LRMDA: variants seen among roughly 807,000 people sequenced by gnomAD.
LRMDA encodes leucine rich melanocyte differentiation associated.
A neutral mutation model predicts 29.8 loss-of-function variants in LRMDA; 18 were observed. That is an observed-to-expected ratio of 0.60 (90% CI 0.42 to 0.90). The LOEUF (loss-of-function observed/expected upper bound fraction) is 0.90, where lower values mean the gene tolerates loss of function less well. LRMDA is among the 40% of genes least tolerant of loss of function. The pLI is 0.00. For synonymous variants in LRMDA, 125 were observed against 109.4 expected (o/e 1.14, Z -0.89); for missense variants, 273 against 273.9 (o/e 1.00, Z 0.02).
rs115755249 is a variant in LRMDA at position 75,917,307 on chromosome 10, C to T, written c.132-118701C>T. 7.2e-3 allele frequency among the ~76,000 whole-genome samples: 1,096 copies of T among 152,262 alleles called. 14 individuals carry two copies. The highest frequency in any genetic ancestry group is 0.024 in the African/African-American group (994 of 41,546). ...CAGTATTCTGTTTTTGAAACCCATCCGGTGAGTTCTCCCATCTAGCCCCAG... is the reference window on the plus strand; with the variant it reads ...CAGTATTCTGTTTTTGAAACCCATCTGGTGAGTTCTCCCATCTAGCCCCAG... On this transcript the variant is annotated intron_variant, in intron 2 of 6. Transcript: ENST00000611255.
intron 5 of LRMDA, among the ~76,000 whole-genome samples, chr10:76,246,490 C>T (rs1852379646): frequency 6.6e-6 from 1 of 152,154 alleles, no homozygotes; most frequent in South Asian, 2.1e-4. Flanking sequence ...CATTAGAAGG[C>T]AGATATTTTT....
intron 6 of LRMDA, among the ~76,000 whole-genome samples, chr10:76,334,871 G>T: frequency 6.6e-6 from 1 of 152,180 alleles, no homozygotes; most frequent in East Asian, 1.9e-4. Context: ...TGAAAAAGAA[G>T]CTGTGGGCTC....
At chr10:75,629,496 T>C (rs1291902096) in intron 2 of LRMDA, among the ~76,000 whole-genome samples, 1 of 152,230 alleles carries the variant, frequency 6.6e-6, no homozygotes, top group East Asian at 1.9e-4. Flanking sequence ...TTTCACGTTA[T>C]TATCTCACTG....
At chr10:76,081,964 C>T (rs1336054283) in intron 5 of LRMDA, among the ~76,000 whole-genome samples, 1 of 152,106 alleles carries the variant, frequency 6.6e-6, no homozygotes, top group African/African-American at 2.4e-5. Context: ...TGCCATAGAA[C>T]CAAGTAGCTT....
chr10:75,458,884 A>G (rs1039654135), intron 2 of LRMDA, among the ~76,000 whole-genome samples: 1 of 152,134 alleles, frequency 6.6e-6, no homozygotes, highest in Admixed American at 6.5e-5. Flanking sequence ...TATTTTTACA[A>G]CCATAAAAAA....
intron 2 of LRMDA, among the ~76,000 whole-genome samples, chr10:75,881,517 A>C (rs556457475): frequency 1.2e-4 from 18 of 152,124 alleles, no homozygotes; most frequent in African/African-American, 3.6e-4. Context: ...TCTGCATGGC[A>C]GATGGAAAAT....
At chr10:76,322,326 A>G (rs1233553016) in intron 5 of LRMDA, among the ~76,000 whole-genome samples, 3 of 150,624 alleles carry the variant, frequency 2.0e-5, no homozygotes, top group Admixed American at 1.3e-4. Context: ...AAGAGCTGGT[A>G]GTTGGATCAT....
Position 76,113,467 on chromosome 10 carries a change from T to C in LRMDA, c.516+54684T>C, listed in dbSNP as rs780792690. Among the ~76,000 whole-genome samples the C allele has an allele frequency of 3.3e-5, 5 of 151,762 alleles. No individual in the cohort carries two copies. The South Asian group carries it at 6.2e-4, about 19-fold the overall frequency. On this transcript the variant is annotated intron_variant, in intron 5 of 6. Coordinates refer to ENST00000611255, the MANE Select transcript of LRMDA (RefSeq NM_001305581.2). ...AAGAGATGAGTGAGAGGAAAGAAGA[T>C]GAGGGGGGAAAAAACCAACCTGAGA...
rs568116590 is a variant in LRMDA, at chr10:75,464,082, G to A, written c.131+25588G>A. ...CTCCCAAAGTGCTGGGATTACAGGC[G>A]TGAGCCACTGCGCCCATCCTGTTCT... On this transcript the variant is annotated intron_variant, in intron 2 of 6. Coordinates refer to ENST00000611255, the MANE Select transcript of LRMDA (RefSeq NM_001305581.2). 3.9e-5 allele frequency among the ~76,000 whole-genome samples: 6 copies of A among 152,246 alleles called. 1 individual carries two copies. The highest frequency in any genetic ancestry group is 1.9e-4 in the East Asian group (1 of 5,182).
rs138028657 is a variant in LRMDA, at chr10:75,490,891, A to G, written c.131+52397A>G. Among the ~76,000 whole-genome samples the G allele has an allele frequency of 5.8e-3, 890 of 152,296 alleles. 2 individuals carry two copies. Among genetic ancestry groups the G allele is most frequent in the Non-Finnish European group, 9.8e-3 (668 of 68,012 alleles). On this transcript the variant is annotated intron_variant, in intron 2 of 6. Transcript: ENST00000611255. ...TTAGGTTCTTGTGGGTTTAGGTCAC[A>G]CTGGCAATGGAATCAACCTCTCCTC...
At chr10:76,028,947 G>A (rs1349575427) in intron 2 of LRMDA, among the ~76,000 whole-genome samples, 1 of 151,684 alleles carries the variant, frequency 6.6e-6, no homozygotes, top group African/African-American at 2.4e-5. Flanking sequence ...CTCCCGAGTA[G>A]CTGGGACTAC....
At chr10:76,437,977 A>G (rs1224287615) in intron 6 of LRMDA, among the ~76,000 whole-genome samples, 2 of 152,194 alleles carry the variant, frequency 1.3e-5, no homozygotes, top group Admixed American at 1.3e-4. Flanking sequence ...GACTTATCGC[A>G]AGTCACTCAC....
chr10:76,111,812 G>A (rs1011413648), intron 5 of LRMDA, among the ~76,000 whole-genome samples: 1 of 151,400 alleles, frequency 6.6e-6, no homozygotes, highest in African/African-American at 2.4e-5. Context: ...ATGGGGGTGG[G>A]GGGGGGCGCA....
At chr10:76,271,456 AT>A (rs575123997) in intron 5 of LRMDA, among the ~76,000 whole-genome samples, 114 of 152,304 alleles carry the variant, frequency 7.5e-4, no homozygotes, top group African/African-American at 2.0e-3. Flanking sequence ...CTAAAAAAAA[AT>A]AATCCATGCT....
At chr10:76,316,623 G>A (rs1404919385) in intron 5 of LRMDA, among the ~76,000 whole-genome samples, 4 of 152,170 alleles carry the variant, frequency 2.6e-5, no homozygotes, top group Non-Finnish European at 5.9e-5. Context: ...TGCATTATAA[G>A]GCTATTGAGA....
chr10:75,499,199 GA>G (rs1845084030), intron 2 of LRMDA, among the ~76,000 whole-genome samples: 1 of 152,194 alleles, frequency 6.6e-6, no homozygotes, highest in East Asian at 1.9e-4. Flanking sequence ...GCTTGCTTGA[GA>G]TGTGCAGTTT....
At chr10:76,088,263 C>T (rs1035869184) in intron 5 of LRMDA, among the ~76,000 whole-genome samples, 4 of 152,180 alleles carry the variant, frequency 2.6e-5, no homozygotes, top group African/African-American at 9.6e-5. Context: ...GGACAGGATG[C>T]TCCTTTCTGC....
At chr10:75,781,218 T>C (rs1331203527) in intron 2 of LRMDA, among the ~76,000 whole-genome samples, 1 of 152,258 alleles carries the variant, frequency 6.6e-6, no homozygotes, top group African/African-American at 2.4e-5. Context: ...TTTATTTTTC[T>C]GTTTGCCTCA....
chr10:76,423,628 A>G (rs895509740), intron 6 of LRMDA, among the ~76,000 whole-genome samples: 1 of 152,220 alleles, frequency 6.6e-6, no homozygotes, highest in Non-Finnish European at 1.5e-5. Context: ...AAAAATTAAT[A>G]AATTTTGTTA....
Sources: gnomAD v4.1 joint callset for allele counts (sites outside exome capture counted in the v4.1 genomes callset) on GRCh38, gnomAD v4.1.1 for gene constraint, MANE v1.5 for transcripts, NCBI Gene and HGNC (gene_info 2026-07-23, HGNC 2026-07-21) for gene names.